The following ZFR variants were observed in gnomAD, a reference collection of about 807,000 sequenced individuals.
ZFR encodes the protein zinc finger RNA-binding protein.
ZFR carries 19 observed loss-of-function variants against 130.7 expected under a neutral mutation model. The observed-to-expected ratio is 0.15, with a 90% confidence interval of 0.10 to 0.21. ZFR has a LOEUF of 0.21. Ranked by LOEUF, ZFR falls within the 10% of genes least tolerant of loss-of-function variation. ZFR has a pLI of 1.00. For synonymous variants in ZFR, 466 were observed against 456.9 expected (o/e 1.02, Z -0.25); for missense variants, 872 against 1,321.5 (o/e 0.66, Z 5.27).
intron 17 of ZFR, among the ~76,000 whole-genome samples, chr5:32,374,635 T>C (rs377710765): frequency 8.5e-5 from 13 of 152,238 alleles, no homozygotes; most frequent in African/African-American, 2.9e-4. Flanking sequence ...ACCCACATTA[T>C]TATTTTGCTC....
intron 12 of ZFR, among the ~76,000 whole-genome samples, chr5:32,389,591 G>C (rs557454176): frequency 1.1e-4 from 17 of 152,190 alleles, no homozygotes; most frequent in African/African-American, 4.1e-4. Flanking sequence ...CTGAGGCTTC[G>C]GTGAGCTATG....
intron 17 of ZFR, among the ~76,000 whole-genome samples, chr5:32,376,926 C>T (rs1277845204): frequency 6.7e-6 from 1 of 148,908 alleles, no homozygotes; most frequent in African/African-American, 2.5e-5. Flanking sequence ...CTGCAGTGAG[C>T]TGAGATCATG....
intron 2 of ZFR, among the ~76,000 whole-genome samples, chr5:32,441,036 C>T (rs939649529): frequency 1.3e-5 from 2 of 152,142 alleles, no homozygotes; most frequent in Non-Finnish European, 1.5e-5. Flanking sequence ...TGTAATCGCG[C>T]GATCTTGGCT....
At chr5:32,393,081 CAT>C (rs1288088550) in intron 11 of ZFR, among the ~76,000 whole-genome samples, 1 of 152,176 alleles carries the variant, frequency 6.6e-6, no homozygotes, top group East Asian at 1.9e-4. Context: ...CCAGAGGCAA[CAT>C]GTGTTATTCA....
At chr5:32,422,266 T>C (rs1235843925) in intron 2 of ZFR, among the ~76,000 whole-genome samples, 2 of 152,170 alleles carry the variant, frequency 1.3e-5, no homozygotes, top group Non-Finnish European at 2.9e-5. Context: ...AATGACCATA[T>C]GTTCTGGTTA....
chr5:32,398,188 G>A (rs1753362050), intron 9 of ZFR, among the ~76,000 whole-genome samples: 1 of 152,094 alleles, frequency 6.6e-6, no homozygotes, highest in East Asian at 1.9e-4. Flanking sequence ...TTGTATGTAT[G>A]TAAGCATTTA....
At chr5:32,399,711 T>C (rs1753400732) in intron 9 of ZFR, among the ~76,000 whole-genome samples, 1 of 152,184 alleles carries the variant, frequency 6.6e-6, no homozygotes, top group Admixed American at 6.5e-5. Flanking sequence ...AGTTTTATGA[T>C]AGTTGAAGGA....
chr5:32,428,266 T>C (rs1181023888), intron 2 of ZFR, among the ~76,000 whole-genome samples: 2 of 152,052 alleles, frequency 1.3e-5, no homozygotes, highest in Admixed American at 1.3e-4. Context: ...ATACAAAAAT[T>C]AGCCAGGCGT....
chr5:32,436,317 T>G (rs1170855748), intron 2 of ZFR, among the ~76,000 whole-genome samples: 1 of 148,860 alleles, frequency 6.7e-6, no homozygotes, highest in African/African-American at 2.5e-5. Flanking sequence ...CCCGGCTGAT[T>G]TTTTTTTTTA....
chr5:32,367,614 A>G (rs1752576076), intron 17 of ZFR, among the ~76,000 whole-genome samples: 1 of 152,054 alleles, frequency 6.6e-6, no homozygotes, highest in Non-Finnish European at 1.5e-5. Context: ...AGGTCTTGCT[A>G]TGTTGCCTGA....
At chr5:32,364,342 TTTTAAA>T in intron 17 of ZFR, 67 bp from the exon 18 acceptor site, 2 of 1,324,464 alleles carry the variant, frequency 1.5e-6, no homozygotes. Flanking sequence ...CAAACTAAAA[TTTTAAA>T]GACTGAAAAA....
chr5:32,413,061 C>A (rs892371896), intron 5 of ZFR, among the ~76,000 whole-genome samples: 1 of 151,958 alleles, frequency 6.6e-6, no homozygotes, highest in African/African-American at 2.4e-5. Context: ...TGGTGGCGCA[C>A]GCTTGTAGTC....
intron 2 of ZFR, among the ~76,000 whole-genome samples, chr5:32,438,056 A>G (rs1434449868): frequency 6.6e-6 from 1 of 152,076 alleles, no homozygotes; most frequent in Non-Finnish European, 1.5e-5. Flanking sequence ...TTCACTCATG[A>G]ACACAGTCCA....
intron 2 of ZFR, among the ~76,000 whole-genome samples, chr5:32,420,353 G>A (rs1753923597): frequency 1.3e-5 from 2 of 150,434 alleles, no homozygotes; most frequent in African/African-American, 2.5e-5. Flanking sequence ...ATAGTCACAC[G>A]TTTCAGATCA....
intron 15 of ZFR, chr5:32,380,376 T>C: frequency 2.3e-6 from 1 of 428,422 alleles, no homozygotes. Context: ...AGTAATATAA[T>C]AAACAATTTC....
chr5:32,402,864 C>CT (rs899045074), intron 8 of ZFR, among the ~76,000 whole-genome samples: 12 of 147,268 alleles, frequency 8.1e-5, no homozygotes, highest in Middle Eastern at 3.5e-3. Flanking sequence ...GTGTGCAGAT[C>CT]TTTTTTTTTT....
At chr5:32,376,333 G>A (rs772930221) in intron 17 of ZFR, among the ~76,000 whole-genome samples, 3 of 151,674 alleles carry the variant, frequency 2.0e-5, no homozygotes, top group Non-Finnish European at 4.4e-5. Context: ...AATAAAATTC[G>A]ATGAAAAAAA....
rs187017372 is a variant in ZFR at position 32,357,536 on chromosome 5, G to T, written c.3046-1597C>A. Among the ~76,000 whole-genome samples the T allele has an allele frequency of 1.2e-3, 181 of 152,304 alleles. 2 individuals carry two copies. The highest frequency in any genetic ancestry group is 0.012 in the Admixed American group (180 of 15,304). ...CTGCCTTGGCCTCCCGAAGTGCTGGGATTACAGGTGTGGGCCACCAGGGCC... is the reference window on the plus strand; with the variant it reads ...CTGCCTTGGCCTCCCGAAGTGCTGGTATTACAGGTGTGGGCCACCAGGGCC... On this transcript the variant is annotated intron_variant, in intron 19 of 19. Transcript: ENST00000265069.
At chr5:32,407,083 T>C (rs1257486575) in intron 5 of ZFR, 62 bp from the exon 6 acceptor site, 2 of 1,333,502 alleles carry the variant, frequency 1.5e-6, no homozygotes, top group East Asian at 2.6e-5. Context: ...AGTTAAAATT[T>C]ACAAATTTAA....
Sources: allele counts gnomAD v4.1 joint callset (sites outside exome capture counted in the v4.1 genomes callset), GRCh38; gene constraint gnomAD v4.1.1; transcripts MANE v1.5; gene names NCBI Gene and HGNC (gene_info 2026-07-23, HGNC 2026-07-21).